The following CSGALNACT1 variants were observed in gnomAD, a reference collection of about 807,000 sequenced individuals.
CSGALNACT1 encodes the protein beta4GalNAcT-1.
Under a neutral mutation model 51.0 loss-of-function variants are expected in CSGALNACT1, and 52 were observed. That is an observed-to-expected ratio of 1.02 (90% CI 0.82 to 1.29). The LOEUF is 1.29. Among genes scored for constraint, CSGALNACT1 ranks in the 50% most tolerant of loss-of-function variants. The pLI is 0.00. For missense variants in CSGALNACT1, 935 were observed against 679.2 expected, an observed-to-expected ratio of 1.38 and a Z score of -4.19; for synonymous variants, 341 against 254.4, an observed-to-expected ratio of 1.34 and a Z score of -3.24.
chr8:19,597,185 A>T (rs2049086382), intron 2 of CSGALNACT1, among the ~76,000 whole-genome samples: 1 of 151,550 alleles, frequency 6.6e-6, no homozygotes, highest in Non-Finnish European at 1.5e-5. Context: ...TCTCCTTTTT[A>T]AGGCTGAAAA....
At chr8:19,412,681 C>A (rs998698732) in intron 8 of CSGALNACT1, among the ~76,000 whole-genome samples, 1 of 152,166 alleles carries the variant, frequency 6.6e-6, no homozygotes, top group Non-Finnish European at 1.5e-5. Flanking sequence ...CCAAGGCCTG[C>A]TGTCACTGTT....
chr8:19,579,949 G>A (rs1018321932), intron 3 of CSGALNACT1, among the ~76,000 whole-genome samples: 1 of 152,238 alleles, frequency 6.6e-6, no homozygotes, highest in Non-Finnish European at 1.5e-5. Context: ...GGAGGAGGAA[G>A]AGGAGGAGAA....
chr8:19,482,182 G>C (rs1160068428), intron 4 of CSGALNACT1, among the ~76,000 whole-genome samples: 2 of 152,218 alleles, frequency 1.3e-5, no homozygotes, highest in African/African-American at 4.8e-5. Flanking sequence ...GAAACAGAAT[G>C]TTCGGTGATA....
chr8:19,644,930 TTAA>T (rs1360618182), intron 1 of CSGALNACT1, among the ~76,000 whole-genome samples: 13 of 152,152 alleles, frequency 8.5e-5, no homozygotes, highest in African/African-American at 3.1e-4. Flanking sequence ...CAGCCAGGTA[TTAA>T]TAATATTCCT....
upstream of CSGALNACT1, chr8:19,683,369 T>C (rs960030293): frequency 6.6e-6 from 1 of 152,138 alleles, no homozygotes; most frequent in African/African-American, 2.4e-5. Context: ...GAAACCACTC[T>C]AAAAATGGGT....
intron 4 of CSGALNACT1, among the ~76,000 whole-genome samples, chr8:19,492,911 T>C (rs563676561): frequency 3.3e-5 from 5 of 152,320 alleles, no homozygotes; most frequent in African/African-American, 9.6e-5. Context: ...ATTTAAGTCT[T>C]CTTTCTTTTA....
upstream of CSGALNACT1, among the ~76,000 whole-genome samples, chr8:19,605,927 C>G (rs542573815): frequency 3.9e-5 from 6 of 152,092 alleles, no homozygotes; most frequent in Non-Finnish European, 8.8e-5. Context: ...TAATGTACAA[C>G]TAATAAGTGA....
chr8:19,527,200 G>A (rs927292314), intron 3 of CSGALNACT1, among the ~76,000 whole-genome samples: 2 of 152,146 alleles, frequency 1.3e-5, no homozygotes, highest in African/African-American at 4.8e-5. Context: ...GGAACAAAGG[G>A]GACATAGATG....
At chr8:19,711,011 T>C (rs2062472897) in intron 1 of CSGALNACT1, among the ~76,000 whole-genome samples, 1 of 152,188 alleles carries the variant, frequency 6.6e-6, no homozygotes, top group Non-Finnish European at 1.5e-5. Context: ...TGTGGTTCAT[T>C]GCCCCACCCA....
rs762385730 is a variant in CSGALNACT1 at position 19,507,030 on chromosome 8, A to T, written c.-296-900T>A. 6.6e-5 allele frequency among the ~76,000 whole-genome samples: 10 copies of T among 152,334 alleles called. 1 individual carries two copies. The highest frequency in any genetic ancestry group is 4.4e-5 in the Non-Finnish European group (3 of 68,036). On this transcript the variant is annotated intron_variant, in intron 3 of 9. Coordinates refer to ENST00000454498, the Ensembl canonical transcript of CSGALNACT1. ...AGAGCAGGCCTGAAAGAGGATCGACATGGTTCTGAGCTTTCTGATCAGGAA... is the reference window on the plus strand; with the variant it reads ...AGAGCAGGCCTGAAAGAGGATCGACTTGGTTCTGAGCTTTCTGATCAGGAA...
At chr8:19,435,467 T>C (rs2060239575) in intron 6 of CSGALNACT1, among the ~76,000 whole-genome samples, 1 of 147,712 alleles carries the variant, frequency 6.8e-6, no homozygotes, top group Non-Finnish European at 1.5e-5. Context: ...CACTCCAGCC[T>C]GGTAAAAAAG....
At chr8:19,631,498 C>T (rs1303924950) in intron 1 of CSGALNACT1, among the ~76,000 whole-genome samples, 3 of 152,186 alleles carry the variant, frequency 2.0e-5, no homozygotes, top group Non-Finnish European at 4.4e-5. Context: ...AGAATTCAGC[C>T]TGCAATTGTC....
intron 1 of CSGALNACT1, among the ~76,000 whole-genome samples, chr8:19,706,762 T>C (rs1021486158): frequency 2.0e-5 from 3 of 152,150 alleles, no homozygotes; most frequent in African/African-American, 7.2e-5. Context: ...TAGCTGGCAC[T>C]ACAGGCATGC....
upstream of CSGALNACT1, among the ~76,000 whole-genome samples, chr8:19,604,494 G>A (rs1172145272): frequency 6.6e-6 from 1 of 152,200 alleles, no homozygotes; most frequent in Non-Finnish European, 1.5e-5. Context: ...ACGTGGTGAA[G>A]TCAGGATCTT....
At chr8:19,543,663 C>T (rs924986916) in intron 3 of CSGALNACT1, among the ~76,000 whole-genome samples, 3 of 152,222 alleles carry the variant, frequency 2.0e-5, no homozygotes, top group Admixed American at 1.3e-4. Context: ...AAGGTGCACT[C>T]TTTATGTAGC....
At chr8:19,495,527 C>T (rs1247374560) in intron 4 of CSGALNACT1, among the ~76,000 whole-genome samples, 1 of 152,128 alleles carries the variant, frequency 6.6e-6, no homozygotes. Flanking sequence ...TCGCAGGGAT[C>T]AGTGAGAGAG....
chr8:19,660,874 T>C (rs1027155052), intron 1 of CSGALNACT1, among the ~76,000 whole-genome samples: 24 of 152,098 alleles, frequency 1.6e-4, no homozygotes, highest in Non-Finnish European at 2.4e-4. Flanking sequence ...CAGAATGACC[T>C]CATTCTATGG....
At chr8:19,647,079 T>C (rs2057346239) in intron 1 of CSGALNACT1, among the ~76,000 whole-genome samples, 1 of 151,818 alleles carries the variant, frequency 6.6e-6, no homozygotes, top group South Asian at 2.1e-4. Flanking sequence ...CCCGCTTAAG[T>C]GCAGCATCAC....
At chr8:19,558,267 T>C (rs2039920672) in intron 3 of CSGALNACT1, among the ~76,000 whole-genome samples, 1 of 152,242 alleles carries the variant, frequency 6.6e-6, no homozygotes, top group Non-Finnish European at 1.5e-5. Context: ...GGTTTTTTTG[T>C]GGATTCATGG....
Sources: gnomAD v4.1 joint callset for allele counts (sites outside exome capture counted in the v4.1 genomes callset) on GRCh38, gnomAD v4.1.1 for gene constraint, MANE v1.5 for transcripts, NCBI Gene and HGNC (gene_info 2026-07-23, HGNC 2026-07-21) for gene names.